The following NREP variants were observed in gnomAD, a reference collection of about 807,000 sequenced individuals.
NREP encodes the protein neuronal regeneration related protein.
NREP carries 5 observed loss-of-function variants against 8.6 expected under a neutral mutation model. That is an observed-to-expected ratio of 0.58 (90% CI 0.30 to 1.22). NREP has a LOEUF of 1.22. NREP is among the 50% of genes most tolerant of loss of function. NREP has a pLI of 0.07. For missense variants in NREP, 86 were observed against 82.5 expected (o/e 1.04, Z -0.17); for synonymous variants, 27 against 28.0 (o/e 0.96, Z 0.11).
chr5:111,902,112 G>A (rs1420783228), intron 2 of NREP, among the ~76,000 whole-genome samples: 1 of 151,946 alleles, frequency 6.6e-6, no homozygotes, highest in African/African-American at 2.4e-5. Context: ...ACAGACCAAT[G>A]GAACATAATA....
intron 2 of NREP, among the ~76,000 whole-genome samples, chr5:111,825,092 T>C (rs889011976): frequency 4.6e-5 from 7 of 152,208 alleles, no homozygotes; most frequent in African/African-American, 1.7e-4. Flanking sequence ...GTAGACTCTA[T>C]TTTCCTTTTG....
intron 2 of NREP, among the ~76,000 whole-genome samples, chr5:111,744,918 A>G (rs1749907787): frequency 6.6e-6 from 1 of 152,160 alleles, no homozygotes; most frequent in Admixed American, 6.5e-5. Context: ...TTTTCCCCTC[A>G]GTCTTTCTTC....
At chr5:111,784,007 T>C (rs536102588) in intron 2 of NREP, among the ~76,000 whole-genome samples, 8 of 152,254 alleles carry the variant, frequency 5.3e-5, no homozygotes, top group Admixed American at 4.6e-4. Flanking sequence ...CTTTAAAAAA[T>C]TTTGCTTTTC....
intron 3 of NREP, chr5:111,731,969 G>C (rs1748629811): frequency 6.6e-6 from 1 of 152,232 alleles, no homozygotes; most frequent in Non-Finnish European, 1.5e-5. Context: ...TTTATGCCCT[G>C]TACAGGTATG....
intron 2 of NREP, among the ~76,000 whole-genome samples, chr5:111,877,973 A>G (rs550421359): frequency 6.6e-6 from 1 of 152,294 alleles, no homozygotes; most frequent in African/African-American, 2.4e-5. Context: ...ATCCACCACA[A>G]TCACTTCATT....
chr5:111,943,239 C>T (rs1755882091), intron 2 of NREP, among the ~76,000 whole-genome samples: 1 of 152,180 alleles, frequency 6.6e-6, no homozygotes, highest in Middle Eastern at 3.4e-3. Context: ...GAGCATTCAT[C>T]AGGTGCCGGT....
chr5:111,894,783 T>A (rs564605224), intron 2 of NREP, among the ~76,000 whole-genome samples: 2 of 152,340 alleles, frequency 1.3e-5, no homozygotes, highest in Admixed American at 1.3e-4. Context: ...CTTAAGATCA[T>A]CACCACACTC....
Position 111,755,717 on chromosome 5 carries a change from T to C in NREP, c.3+53A>G. On this transcript the variant is annotated intron_variant, in intron 2 of 3. Transcript: ENST00000257435. ...TGAAGATGGGTGGTTGATATTTATA[T>C]GTAACAGACTGGTAAGAAGTACTGA... 1.9e-6 allele frequency: 3 copies of C among 1,591,062 alleles called. No individual in the cohort carries two copies. In the South Asian group the frequency reaches 3.3e-5, roughly 18 times the overall value.
intron 2 of NREP, among the ~76,000 whole-genome samples, chr5:111,841,223 A>G (rs1288483370): frequency 6.6e-6 from 1 of 152,128 alleles, no homozygotes; most frequent in Non-Finnish European, 1.5e-5. Flanking sequence ...ATGCCTCAGA[A>G]TTGTGCCCCT....
intron 2 of NREP, among the ~76,000 whole-genome samples, chr5:111,888,546 C>A (rs1344635853): frequency 2.0e-5 from 3 of 152,110 alleles, no homozygotes; most frequent in Non-Finnish European, 4.4e-5. Flanking sequence ...TTCACCTAGT[C>A]CCACCTTTGA....
At position 111,906,558 on chromosome 5, in the gene NREP, A is replaced by G. The variant is rs1441139486; in HGVS notation, c.135+68716T>C. On this transcript the variant is annotated intron_variant, in intron 2 of 3. Transcript: ENST00000395634. Reference sequence around the variant, plus strand: ...ATTGCTTGAAAATAAACTAATTTTTACCTTAGATAATAAAGCATTTTAGTG... The same window carrying G: ...ATTGCTTGAAAATAAACTAATTTTTGCCTTAGATAATAAAGCATTTTAGTG... Among the ~76,000 whole-genome samples the G allele has an allele frequency of 6.6e-5, 10 of 152,194 alleles. No homozygotes were observed. In the East Asian group the frequency reaches 1.5e-3, roughly 24 times the overall value.
chr5:111,859,957 C>T (rs901061952), intron 2 of NREP, among the ~76,000 whole-genome samples: 2 of 152,064 alleles, frequency 1.3e-5, no homozygotes, highest in Non-Finnish European at 2.9e-5. Flanking sequence ...TTCTTTCAGA[C>T]TTCAGGTCTG....
At chr5:111,958,207 T>C (rs1342992712) in intron 2 of NREP, among the ~76,000 whole-genome samples, 4 of 151,912 alleles carry the variant, frequency 2.6e-5, no homozygotes, top group African/African-American at 7.2e-5. Context: ...TTTATATCTA[T>C]ACTCTTAAAT....
chr5:111,946,228 T>C (rs1311517606), intron 2 of NREP, among the ~76,000 whole-genome samples: 1 of 149,780 alleles, frequency 6.7e-6, no homozygotes, highest in Non-Finnish European at 1.5e-5. Flanking sequence ...CTTTAGTTTC[T>C]TTCTAAAAAA....
chr5:111,861,461 C>G (rs1418495477), intron 2 of NREP, among the ~76,000 whole-genome samples: 1 of 152,116 alleles, frequency 6.6e-6, no homozygotes. Context: ...CCTTGATCTC[C>G]CAAGGGCTAG....
At chr5:111,940,518 C>T (rs138057490) in intron 2 of NREP, among the ~76,000 whole-genome samples, 287 of 152,158 alleles carry the variant, frequency 1.9e-3, no homozygotes, top group African/African-American at 6.6e-3. Flanking sequence ...CCCATCCCTT[C>T]CAACTGGCAA....
intron 2 of NREP, among the ~76,000 whole-genome samples, chr5:111,969,175 T>C (rs1756731343): frequency 6.6e-6 from 1 of 152,220 alleles, no homozygotes; most frequent in Admixed American, 6.5e-5. Flanking sequence ...ACACAGAATG[T>C]TGCCTGCTCA....
intron 2 of NREP, among the ~76,000 whole-genome samples, chr5:111,765,518 T>C (rs1751060713): frequency 6.6e-6 from 1 of 152,232 alleles, no homozygotes; most frequent in African/African-American, 2.4e-5. Context: ...GTGACATAGG[T>C]ATCATCAGTA....
In NREP at chr5:111,771,217, G is replaced by C. The variant is rs1020008082; in HGVS notation, c.136-35710C>G. ...GAATAAAAGGAGCAGCTATTGAGGA[G>C]GTACATTTTCAGAAGTAGTATGTAA... On this transcript the variant is annotated intron_variant, in intron 2 of 3. Transcript: ENST00000395634. Among the ~76,000 whole-genome samples, 6 of 152,060 alleles carry C rather than the reference G, an allele frequency of 3.9e-5. No individual in the cohort carries two copies. The East Asian group carries it at 7.7e-4, about 20-fold the overall frequency.
Sources: gnomAD v4.1 joint callset for allele counts (sites outside exome capture counted in the v4.1 genomes callset) on GRCh38, gnomAD v4.1.1 for gene constraint, MANE v1.5 for transcripts, NCBI Gene and HGNC (gene_info 2026-07-23, HGNC 2026-07-21) for gene names.